KIF13A: variants seen among roughly 807,000 people sequenced by gnomAD.
KIF13A encodes kinesin-like protein KIF13A.
Under a neutral mutation model 212.2 loss-of-function variants are expected in KIF13A, and 79 were observed. The ratio of observed to expected loss-of-function variants is 0.37; its 90% CI spans 0.31 to 0.45. The LOEUF (loss-of-function observed/expected upper bound fraction) is 0.45. Ranked by LOEUF, KIF13A falls within the 20% of genes least tolerant of loss-of-function variation. The probability of loss-of-function intolerance (pLI) is 1.00; values close to 1 mark genes in which losing one functional copy is unlikely to be tolerated. For missense variants in KIF13A, 1,901 were observed against 2,209.0 expected (o/e 0.86, Z 2.79); for synonymous variants, 789 against 808.6 (o/e 0.98, Z 0.41).
intron 2 of KIF13A, among the ~76,000 whole-genome samples, chr6:17,910,135 T>C (rs552169166): frequency 5.8e-4 from 89 of 152,264 alleles, no homozygotes; most frequent in Non-Finnish European, 1.2e-3. Flanking sequence ...ACTGACAAAA[T>C]GGACATAGGA....
rs1453453452 is a variant in KIF13A at position 17,839,678 on chromosome 6, G to T, written c.831-2095C>A. On this transcript the variant is annotated intron_variant, in intron 9 of 38. Coordinates refer to ENST00000259711, the MANE Select transcript of KIF13A (RefSeq NM_022113.6). The surrounding 1 kb of genome is among the most constrained non-coding windows in gnomAD (Gnocchi z 4.3). ...ATGAGATCATACTGGATTAGGGAGG[G>T]CCCTAATCTAATGAGTGATGTCCTT... Among the ~76,000 whole-genome samples, 2 of 152,080 alleles carry T rather than the reference G, an allele frequency of 1.3e-5. No individual in the cohort carries two copies. Among genetic ancestry groups the T allele is most frequent in the African/African-American group, 2.4e-5 (1 of 41,410 alleles).
At chr6:17,780,331 A>G (rs973227420) in intron 31 of KIF13A, among the ~76,000 whole-genome samples, 2 of 152,206 alleles carry the variant, frequency 1.3e-5, no homozygotes, top group Non-Finnish European at 2.9e-5. Context: ...GATCAGTTTC[A>G]CTGACAGCAC....
At chr6:17,975,554 A>G (rs1182751384) in intron 2 of KIF13A, among the ~76,000 whole-genome samples, 1 of 152,202 alleles carries the variant, frequency 6.6e-6, no homozygotes, top group African/African-American at 2.4e-5. Context: ...AAAGAAAAAA[A>G]AGCTTCCAGT....
At position 17,971,931 on chromosome 6, in the gene KIF13A, G is replaced by A. The variant is rs1321673890; in HGVS notation, c.146+15123C>T. 1.3e-5 allele frequency among the ~76,000 whole-genome samples: 2 copies of A among 152,070 alleles called. No homozygotes were observed. Among genetic ancestry groups the A allele is most frequent in the Non-Finnish European group, 2.9e-5 (2 of 68,022 alleles). ...AGAGAGCTTAAAAAAAATGTCCCTA[G>A]GATTACAGTAGACCAGCAATTTTTG... is the stretch of plus-strand genomic sequence containing the variant. On this transcript the variant is annotated intron_variant, in intron 2 of 38. Transcript: ENST00000259711. This position sits in a 1 kb window ranked among gnomAD's most constrained non-coding sequence, Gnocchi z 4.2.
intron 9 of KIF13A, among the ~76,000 whole-genome samples, chr6:17,847,968 T>C (rs928411811): frequency 8.5e-5 from 13 of 152,102 alleles, no homozygotes; most frequent in Non-Finnish European, 1.0e-4. Flanking sequence ...CCTGCCACCA[T>C]GCCTGGCTAA....
At chr6:17,870,728 T>C (rs1172370953) in intron 4 of KIF13A, among the ~76,000 whole-genome samples, 1 of 152,150 alleles carries the variant, frequency 6.6e-6, no homozygotes, top group Admixed American at 6.5e-5. Flanking sequence ...ATGCATCTTC[T>C]TATTTTTCTT....
chr6:17,863,875 G>C (rs1769101038), intron 4 of KIF13A, among the ~76,000 whole-genome samples: 1 of 152,056 alleles, frequency 6.6e-6, no homozygotes, highest in African/African-American at 2.4e-5. Flanking sequence ...AGGAAAAGAC[G>C]ACTTGCCAAC....
chr6:17,971,973 CA>C lies in KIF13A; in HGVS notation c.146+15080del, dbSNP rs1779842975. 6.6e-6 allele frequency among the ~76,000 whole-genome samples: 1 copy of C among 152,078 alleles called. No individual in the cohort carries two copies. Among genetic ancestry groups the C allele is most frequent in the Non-Finnish European group, 1.5e-5 (1 of 68,002 alleles). On this transcript the variant is annotated intron_variant, in intron 2 of 38. Transcript: ENST00000259711. The surrounding 1 kb of genome is among the most constrained non-coding windows in gnomAD (Gnocchi z 4.2). ...CAATTTTTGAACACTATTTCCAATG[CA>C]TAATTCATCATAAAAATGTAGACTA...
At position 17,773,971 on chromosome 6, in the gene KIF13A, G is replaced by C. The variant is rs1417558048; in HGVS notation, c.4219-388C>G. ...CTCTCAAAGGACAACTGTTCCATTAGTAATTCTGCCTGGGTAGAAGGCACA... is the reference window on the plus strand; with the variant it reads ...CTCTCAAAGGACAACTGTTCCATTACTAATTCTGCCTGGGTAGAAGGCACA... On this transcript the variant is annotated intron_variant, in intron 35 of 38. Transcript: ENST00000259711. This position sits in a 1 kb window ranked among gnomAD's most constrained non-coding sequence, Gnocchi z 4.2. Among the ~76,000 whole-genome samples the C allele has an allele frequency of 6.6e-6, 1 of 152,176 alleles. No individual in the cohort carries two copies. Among genetic ancestry groups the C allele is most frequent in the Non-Finnish European group, 1.5e-5 (1 of 68,044 alleles).
At chr6:17,894,894 G>C (rs1434449396) in intron 3 of KIF13A, among the ~76,000 whole-genome samples, 1 of 152,184 alleles carries the variant, frequency 6.6e-6, no homozygotes, top group Admixed American at 6.5e-5. Context: ...CCCAGGGATT[G>C]ATAGAAAGGA....
Position 17,786,320 on chromosome 6 carries a change from C to T in KIF13A, c.3362-679G>A, listed in dbSNP as rs1031489621. ...GACAGGATTAAAAAACACCATAGGC[C>T]GGGCACGGTGGCTCACGGCTGTAAC... On this transcript the variant is annotated intron_variant, in intron 27 of 38. Coordinates refer to ENST00000259711, the MANE Select transcript of KIF13A (RefSeq NM_022113.6). This position sits in a 1 kb window ranked among gnomAD's most constrained non-coding sequence, Gnocchi z 5.4. Among the ~76,000 whole-genome samples the T allele has an allele frequency of 1.1e-4, 16 of 152,096 alleles. No homozygotes were observed. The East Asian group carries it at 2.5e-3, about 24-fold the overall frequency.
At chr6:17,798,907 C>T (rs936150297) in intron 22 of KIF13A, among the ~76,000 whole-genome samples, 3 of 152,088 alleles carry the variant, frequency 2.0e-5, no homozygotes, top group Non-Finnish European at 4.4e-5. Flanking sequence ...ATAATATGAT[C>T]CCACTTTTGC....
chr6:17,906,453 CTTT>C (rs71002281), intron 2 of KIF13A, among the ~76,000 whole-genome samples: 2 of 117,664 alleles, frequency 1.7e-5, no homozygotes, highest in Non-Finnish European at 3.4e-5. Flanking sequence ...TTTCTTTCTT[CTTT>C]TTTTTTTTTT....
rs535305739 is a variant in KIF13A at position 17,975,611 on chromosome 6, G to A, written c.146+11443C>T. Among the ~76,000 whole-genome samples the A allele has an allele frequency of 4.3e-4, 66 of 152,294 alleles. 1 individual carries two copies. The highest frequency in any genetic ancestry group is 4.2e-3 in the Admixed American group (64 of 15,296). ...TTACTGCCGCTAGTTCGGGCAGCCT[G>A]CTTTTATTCTCTTATCTGGCCCCAC... On this transcript the variant is annotated intron_variant, in intron 2 of 38. Coordinates refer to ENST00000259711, the MANE Select transcript of KIF13A (RefSeq NM_022113.6).
At chr6:17,821,884 AG>A (rs2150360504) in intron 16 of KIF13A, 1 of 1,535,458 alleles carries the variant, frequency 6.5e-7, no homozygotes, top group Non-Finnish European at 8.7e-7. Flanking sequence ...CCAGGCAGAC[AG>A]GCTTATTATC....
chr6:17,798,274 T>A (rs1378114980), intron 22 of KIF13A, among the ~76,000 whole-genome samples: 1 of 152,174 alleles, frequency 6.6e-6, no homozygotes, highest in African/African-American at 2.4e-5. Context: ...CCAGAAGCTC[T>A]GGGACTAGCA....
rs182047498 is a variant in KIF13A at position 17,934,982 on chromosome 6, T to C, written c.147-36802A>G. Among the ~76,000 whole-genome samples, 7 of 152,268 alleles carry C rather than the reference T, an allele frequency of 4.6e-5. No homozygotes were observed. In the East Asian group the frequency reaches 1.4e-3, roughly 29 times the overall value. ...CTGCAATACCTGAAGCAAGTTCCTT[T>C]ACACCTGTGCTCCAGGCTTCCCACC... On this transcript the variant is annotated intron_variant, in intron 2 of 38. Coordinates refer to ENST00000259711, the MANE Select transcript of KIF13A (RefSeq NM_022113.6). The surrounding 1 kb of genome is among the most constrained non-coding windows in gnomAD (Gnocchi z 5.4).
rs1035959725 is a variant in KIF13A, at chr6:17,849,766, TATGAGGAGATATGAGGAC to T, written c.718-295_718-278del. ...CAGAAAGCTGGAGATTTAAAATGCCTATGAGGAGATATGAGGACATGAGGATTTCTGCACATTCAAGTC... is the reference window on the plus strand; with the variant it reads ...CAGAAAGCTGGAGATTTAAAATGCCTATGAGGATTTCTGCACATTCAAGTC... On this transcript the variant is annotated intron_variant, in intron 8 of 38. Transcript: ENST00000259711. This position sits in a 1 kb window ranked among gnomAD's most constrained non-coding sequence, Gnocchi z 5.7. Among the ~76,000 whole-genome samples, 1 of 152,196 alleles carries T rather than the reference TATGAGGAGATATGAGGAC, an allele frequency of 6.6e-6. No individual in the cohort carries two copies. Among genetic ancestry groups the T allele is most frequent in the Non-Finnish European group, 1.5e-5 (1 of 68,026 alleles).
In KIF13A at chr6:17,771,505, T is replaced by G. The variant is rs1356629864; in HGVS notation, c.4477-287A>C. 2.4e-6 allele frequency: 1 copy of G among 417,110 alleles called. No homozygotes were observed. The highest frequency in any genetic ancestry group is 4.0e-5 in the South Asian group (1 of 25,258). The allele number at this position is 417,110 out of a possible 1,614,324, so 25.8% of individuals were successfully genotyped here. A position where few individuals can be genotyped will look rare whatever the true frequency, so the allele number is the denominator to read the frequency against. On this transcript the variant is annotated intron_variant, in intron 37 of 38. Transcript: ENST00000259711. This position sits in a 1 kb window ranked among gnomAD's most constrained non-coding sequence, Gnocchi z 5.4. Reference sequence around the variant, plus strand: ...GCCTTGGGAGGCTGGGGCAAAAGAATCACTTGAGGCCAGGAGTTTCAGACC... The same window carrying G: ...GCCTTGGGAGGCTGGGGCAAAAGAAGCACTTGAGGCCAGGAGTTTCAGACC...
Sources: allele counts gnomAD v4.1 joint callset (sites outside exome capture counted in the v4.1 genomes callset), GRCh38; gene constraint gnomAD v4.1.1; non-coding constraint Gnocchi (gnomAD v3.1); transcripts MANE v1.5; gene names NCBI Gene and HGNC (gene_info 2026-07-23, HGNC 2026-07-21).